The following DLG2 variants were observed in gnomAD, a reference collection of about 807,000 sequenced individuals.
The protein encoded by DLG2 is discs large MAGUK scaffold protein 2.
A neutral mutation model predicts 132.5 loss-of-function variants in DLG2; 45 were observed. The ratio of observed to expected loss-of-function variants is 0.34; its 90% CI spans 0.27 to 0.44. DLG2 has a LOEUF of 0.44. Among genes scored for constraint, DLG2 ranks in the 20% least tolerant of loss-of-function variants. The pLI is 1.00. For missense variants in DLG2, 1,045 were observed against 1,196.9 expected (o/e 0.87, Z 1.87); for synonymous variants, 424 against 419.6 (o/e 1.01, Z -0.13).
At chr11:83,466,865 C>T (rs1170048173) in intron 25 of DLG2, 48 bp from the exon 26 acceptor site, 3 of 1,291,388 alleles carry the variant, frequency 2.3e-6, no homozygotes, top group African/African-American at 1.5e-5. Flanking sequence ...GAAGCATGGC[C>T]ATAATCCAAC....
chr11:83,518,721 G>C (rs2095381714), intron 21 of DLG2, among the ~76,000 whole-genome samples: 2 of 152,134 alleles, frequency 1.3e-5, no homozygotes, highest in Admixed American at 1.3e-4. Context: ...GAGCTGCACA[G>C]TTGACAGAAA....
intron 6 of DLG2, among the ~76,000 whole-genome samples, chr11:85,041,510 G>A (rs1185494254): frequency 6.6e-6 from 1 of 151,940 alleles, no homozygotes; most frequent in Non-Finnish European, 1.5e-5. Flanking sequence ...GCATCAGAGA[G>A]ATTTGAGCAG....
intron 7 of DLG2, among the ~76,000 whole-genome samples, chr11:84,414,111 G>A (rs1016070734): frequency 6.6e-6 from 1 of 152,048 alleles, no homozygotes; most frequent in Non-Finnish European, 1.5e-5. Context: ...TCATGCTATT[G>A]TATACATTCT....
chr11:84,886,577 T>C (rs2088359543), intron 6 of DLG2, among the ~76,000 whole-genome samples: 2 of 152,134 alleles, frequency 1.3e-5, no homozygotes, highest in South Asian at 4.1e-4. Context: ...TTTATATTTG[T>C]ATATTCGTTG....
chr11:83,823,526 A>G (rs571046069), intron 17 of DLG2, among the ~76,000 whole-genome samples: 1 of 152,274 alleles, frequency 6.6e-6, no homozygotes, highest in African/African-American at 2.4e-5. Flanking sequence ...GAAATCTAAA[A>G]GCTTTAATGT....
At chr11:84,594,816 G>T (rs1423107750) in intron 6 of DLG2, among the ~76,000 whole-genome samples, 3 of 152,176 alleles carry the variant, frequency 2.0e-5, no homozygotes, top group African/African-American at 7.2e-5. Flanking sequence ...ACTGTTGCAG[G>T]TTTCCATGGA....
intron 10 of DLG2, among the ~76,000 whole-genome samples, chr11:84,078,528 T>C (rs1301092146): frequency 1.3e-5 from 2 of 152,172 alleles, no homozygotes; most frequent in Non-Finnish European, 2.9e-5. Context: ...GGTTAAGACA[T>C]ATACTTTATT....
intron 11 of DLG2, among the ~76,000 whole-genome samples, chr11:84,005,591 T>C (rs974273632): frequency 6.6e-6 from 1 of 151,918 alleles, no homozygotes; most frequent in Non-Finnish European, 1.5e-5. Flanking sequence ...AAACTATTAA[T>C]CTGACAAGCG....
intron 18 of DLG2, among the ~76,000 whole-genome samples, chr11:83,772,436 A>G (rs945938611): frequency 4.0e-5 from 6 of 148,670 alleles, no homozygotes; most frequent in Non-Finnish European, 7.5e-5. Flanking sequence ...AAAGAAAAGA[A>G]AAAAAAAGAG....
At chr11:84,636,134 T>C (rs941985488) in intron 6 of DLG2, among the ~76,000 whole-genome samples, 5 of 152,206 alleles carry the variant, frequency 3.3e-5, no homozygotes, top group Non-Finnish European at 7.3e-5. Flanking sequence ...AGATTAAGTT[T>C]TTCTTTTGCT....
intron 6 of DLG2, among the ~76,000 whole-genome samples, chr11:85,042,703 C>T (rs2061983471): frequency 6.6e-6 from 1 of 151,974 alleles, no homozygotes; most frequent in South Asian, 2.1e-4. Flanking sequence ...ATTGCCCACA[C>T]TCTCATAAGA....
chr11:83,858,509 G>A (rs190234497), intron 16 of DLG2, among the ~76,000 whole-genome samples: 1 of 152,204 alleles, frequency 6.6e-6, no homozygotes, highest in Non-Finnish European at 1.5e-5. Flanking sequence ...CCTGACTTCT[G>A]GTCTTGAATT....
intron 6 of DLG2, among the ~76,000 whole-genome samples, chr11:84,623,669 T>C (rs1245164955): frequency 6.6e-6 from 1 of 152,180 alleles, no homozygotes; most frequent in African/African-American, 2.4e-5. Flanking sequence ...ATTTTAATAG[T>C]TACTACCTCA....
chr11:84,900,027 A>G (rs1459188724), intron 6 of DLG2, among the ~76,000 whole-genome samples: 1 of 151,992 alleles, frequency 6.6e-6, no homozygotes, highest in Non-Finnish European at 1.5e-5. Context: ...GGCTGAGAGA[A>G]TTTGCCTTAG....
At chr11:84,934,515 G>GGTTTTTTTTTTTTTTTTTTT (rs1566441569) in intron 6 of DLG2, among the ~76,000 whole-genome samples, 2 of 40,510 alleles carry the variant, frequency 4.9e-5, no homozygotes, top group African/African-American at 1.0e-4. Flanking sequence ...TTTTTTTTTT[G>GGTTTTTTTTTTTTTTTTTTT]TTTTGTTTTG....
intron 7 of DLG2, among the ~76,000 whole-genome samples, chr11:84,314,844 A>G (rs547903816): frequency 2.8e-4 from 42 of 151,980 alleles, no homozygotes; most frequent in Non-Finnish European, 2.9e-5. Flanking sequence ...TATTTAACAT[A>G]ATGTATTTGA....
intron 6 of DLG2, among the ~76,000 whole-genome samples, chr11:85,052,772 G>T (rs1156465813): frequency 6.6e-6 from 1 of 152,122 alleles, no homozygotes; most frequent in Non-Finnish European, 1.5e-5. Flanking sequence ...ATTTGGGAAG[G>T]TCTAAGAATC....
chr11:84,573,098 A>C (rs2099489731), intron 6 of DLG2, among the ~76,000 whole-genome samples: 1 of 152,194 alleles, frequency 6.6e-6, no homozygotes, highest in South Asian at 2.1e-4. Flanking sequence ...TTAATAAGCC[A>C]CTGGATTTTT....
At position 83,929,365 on chromosome 11, in the gene DLG2, C is replaced by G. The variant is rs376444159; in HGVS notation, c.1496+963G>C. On this transcript the variant is annotated intron_variant, in intron 15 of 27. Coordinates refer to ENST00000376104, the MANE Select transcript of DLG2 (RefSeq NM_001142699.3). The stretch of plus-strand genomic sequence containing the variant: ...CTGAAAAAATAACTATATAGACACC[C>G]CATTCTGTGTAGGAACATTACAATT... Among the ~76,000 whole-genome samples the G allele has an allele frequency of 4.6e-5, 7 of 152,246 alleles. No individual in the cohort carries two copies. In the South Asian group the frequency reaches 1.5e-3, roughly 32 times the overall value.
Sources: gnomAD v4.1 joint callset for allele counts (sites outside exome capture counted in the v4.1 genomes callset) on GRCh38, gnomAD v4.1.1 for gene constraint, MANE v1.5 for transcripts, NCBI Gene and HGNC (gene_info 2026-07-23, HGNC 2026-07-21) for gene names.